Variants in SLC2A1 observed in about 807,000 individuals in gnomAD.
The protein encoded by SLC2A1 is solute carrier family 2, facilitated glucose transporter member 1.
In SLC2A1, 4 loss-of-function variants were observed where a neutral mutation model predicts 46.6. The ratio of observed to expected loss-of-function variants is 0.09; its 90% confidence interval spans 0.04 to 0.20. The LOEUF (loss-of-function observed/expected upper bound fraction) is 0.20, where lower values mean the gene tolerates loss of function less well. SLC2A1 is among the 10% of genes least tolerant of loss of function. The probability of loss-of-function intolerance (pLI) is 1.00; values close to 1 mark genes in which losing one functional copy is unlikely to be tolerated. For missense variants in SLC2A1, 352 were observed against 667.0 expected, an observed-to-expected ratio of 0.53 and a Z score of 5.20; for synonymous variants, 253 against 270.0, an observed-to-expected ratio of 0.94 and a Z score of 0.62.
intron 8 of SLC2A1, 113 bp downstream of exon 8, chr1:42,928,819 G>A: frequency 1.1e-6 from 1 of 903,754 alleles, no homozygotes; most frequent in Non-Finnish European, 1.8e-6. Flanking sequence ...CACAGCCAGG[G>A]AGAATGCAGC....
At position 42,943,423 on chromosome 1, in the gene SLC2A1, ACT is replaced by A. The variant is rs144759591; in HGVS notation, c.19-104_19-103del. 1,629 of 860,180 alleles carry A rather than the reference ACT, an allele frequency of 1.9e-3. 18 individuals carry two copies. In the African/African-American group the frequency reaches 0.024, roughly 13 times the overall value. 53.3% of individuals were successfully genotyped at this position (860,180 alleles called of 1,614,324 possible). A position where few individuals can be genotyped will look rare whatever the true frequency, so the allele number is the denominator to read the frequency against. On this transcript the variant is annotated intron_variant, in intron 1 of 9. Coordinates refer to ENST00000426263, the MANE Select transcript of SLC2A1 (RefSeq NM_006516.4). ...TTTCTGTGTTCAGATATCTTGCCTG[ACT>A]CTTGGCACCACACCAGTCTTTCTCC...
intron 2 of SLC2A1, among the ~76,000 whole-genome samples, chr1:42,939,292 A>G (rs1393987284): frequency 6.6e-6 from 1 of 152,262 alleles, no homozygotes; most frequent in Non-Finnish European, 1.5e-5. Context: ...TGGAAAAACT[A>G]CAGCCAGCCT....
intron 2 of SLC2A1, among the ~76,000 whole-genome samples, chr1:42,931,425 C>T (rs1159881408): frequency 6.6e-6 from 1 of 152,178 alleles, no homozygotes; most frequent in Non-Finnish European, 1.5e-5. Context: ...CGCCAACTCT[C>T]CCACTTCCCC....
chr1:42,954,933 C>T lies in SLC2A1; in HGVS notation c.18+3701G>A, dbSNP rs1454479060. Among the ~76,000 whole-genome samples, 3 of 152,198 alleles carry T rather than the reference C, an allele frequency of 2.0e-5. No individual in the cohort carries two copies. Among genetic ancestry groups the T allele is most frequent in the East Asian group, 1.9e-4 (1 of 5,198 alleles). On this transcript the variant is annotated intron_variant, in intron 1 of 9. Transcript: ENST00000426263. The surrounding 1 kb of genome is among the most constrained non-coding windows in gnomAD (Gnocchi z 4.2). The stretch of plus-strand genomic sequence containing the variant: ...AGCAAAGCAAAGAAGCCCAAAGCAG[C>T]GCAGGGCACTCACATGAGCTGACCC...
intron 1 of SLC2A1, chr1:42,951,963 T>A (rs1044845255): frequency 5.2e-5 from 21 of 405,014 alleles, no homozygotes; most frequent in African/African-American, 4.1e-4. Context: ...CTGGAATTCA[T>A]CCTTAGACGC....
intron 2 of SLC2A1, among the ~76,000 whole-genome samples, chr1:42,934,288 T>C (rs1019154073): frequency 6.6e-6 from 1 of 152,144 alleles, no homozygotes; most frequent in African/African-American, 2.4e-5. Context: ...CAGACCACTT[T>C]ATGGGGTGGA....
At position 42,929,426 on chromosome 1, in the gene SLC2A1, T is replaced by G. The variant is rs1219204662; in HGVS notation, c.868-112A>C. ...AGTAAAGAATGAAGGGGACAAATAC[T>G]CAGGCAGAAGGGACACTGCACTGCA... On this transcript the variant is annotated intron_variant, in intron 6 of 9. Coordinates refer to ENST00000426263, the MANE Select transcript of SLC2A1 (RefSeq NM_006516.4). This position sits in a 1 kb window ranked among gnomAD's most constrained non-coding sequence, Gnocchi z 6.0. 1.8e-6 allele frequency: 2 copies of G among 1,112,686 alleles called. No individual in the cohort carries two copies. Among genetic ancestry groups the G allele is most frequent in the Admixed American group, 2.0e-5 (1 of 50,992 alleles). 68.9% of individuals were successfully genotyped at this position (1,112,686 alleles called of 1,614,324 possible). A position where few individuals can be genotyped will look rare whatever the true frequency, so the allele number is the denominator to read the frequency against.
rs537789407 is a variant in SLC2A1 at position 42,941,438 on chromosome 1, T to C, written c.114+1788A>G. ...GCTTTACTGAATGCCAGGCTTTCTG[T>C]CTTCTGGGCATTTTGCTTTGAAGGC... On this transcript the variant is annotated intron_variant, in intron 2 of 9. Transcript: ENST00000426263. 2.6e-5 allele frequency among the ~76,000 whole-genome samples: 4 copies of C among 152,318 alleles called. No individual in the cohort carries two copies. The South Asian group carries it at 8.3e-4, about 32-fold the overall frequency.
In SLC2A1 at chr1:42,926,556, T is replaced by A; in HGVS notation, c.*485A>T. On this transcript the variant is annotated 3_prime_UTR_variant, in exon 10 of 10. Transcript: ENST00000426263. ...TCCTAATGGAGCCTGACCCCTAGAGTGGGGAGATCCAGGCCAGCAGAACGG... is the reference window on the plus strand; with the variant it reads ...TCCTAATGGAGCCTGACCCCTAGAGAGGGGAGATCCAGGCCAGCAGAACGG... 1 of 394,474 alleles carries A rather than the reference T, an allele frequency of 2.5e-6. No individual in the cohort carries two copies. The highest frequency in any genetic ancestry group is 4.7e-4 in the Middle Eastern group (1 of 2,144). The allele number at this position is 394,474 out of a possible 1,614,324, so 24.4% of individuals were successfully genotyped here.
chr1:42,948,147 G>A (rs769469532), intron 1 of SLC2A1, among the ~76,000 whole-genome samples: 2 of 151,952 alleles, frequency 1.3e-5, no homozygotes, highest in African/African-American at 2.4e-5. Flanking sequence ...GGGGTCTCAC[G>A]ACCCACAAGA....
At chr1:42,940,702 C>T (rs1028525278) in intron 2 of SLC2A1, among the ~76,000 whole-genome samples, 1 of 152,168 alleles carries the variant, frequency 6.6e-6, no homozygotes, top group African/African-American at 2.4e-5. Flanking sequence ...CCCACCTCAG[C>T]CTCCCAAAGT....
intron 2 of SLC2A1, among the ~76,000 whole-genome samples, chr1:42,932,314 AC>A (rs1043237684): frequency 1.4e-5 from 2 of 146,574 alleles, no homozygotes; most frequent in African/African-American, 5.0e-5. Context: ...GGCAGGCAGC[AC>A]CCGTTCTGCC....
intron 8 of SLC2A1, 35 bp downstream of exon 8, chr1:42,928,897 C>T (rs569007048): frequency 5.1e-6 from 8 of 1,580,740 alleles, no homozygotes; most frequent in Non-Finnish European, 7.0e-6. Context: ...GCAAACTCTC[C>T]CGCATCCCTC....
At chr1:42,952,404 C>T in intron 1 of SLC2A1, 1 of 480,768 alleles carries the variant, frequency 2.1e-6, no homozygotes, top group Non-Finnish European at 4.2e-6. Context: ...GAGGCTGATG[C>T]AGTCGATCAG....
intron 2 of SLC2A1, among the ~76,000 whole-genome samples, chr1:42,936,227 A>G (rs1643541214): frequency 6.6e-6 from 1 of 152,104 alleles, no homozygotes; most frequent in African/African-American, 2.4e-5. Context: ...ACGGGATGCT[A>G]TTGTGGGGAA....
chr1:42,926,607 G>T lies in SLC2A1; in HGVS notation c.*434C>A. ...GTGGCCATAGCCACCTCCTGGGATAGAAGCTTTGTAGTTCATAGTTCGATT... is the reference window on the plus strand; with the variant it reads ...GTGGCCATAGCCACCTCCTGGGATATAAGCTTTGTAGTTCATAGTTCGATT... On this transcript the variant is annotated 3_prime_UTR_variant, in exon 10 of 10. Transcript: ENST00000426263. 1.0e-6 allele frequency: 1 copy of T among 968,348 alleles called. No homozygotes were observed. The highest frequency in any genetic ancestry group is 1.4e-6 in the Non-Finnish European group (1 of 714,728). 60.0% of individuals were successfully genotyped at this position (968,348 alleles called of 1,614,324 possible).
At position 42,930,927 on chromosome 1, in the gene SLC2A1, T is replaced by A; in HGVS notation, c.276-61A>T. 6.2e-7 allele frequency: 1 copy of A among 1,605,378 alleles called. No homozygotes were observed. Among genetic ancestry groups the A allele is most frequent in the South Asian group, 1.1e-5 (1 of 90,904 alleles). On this transcript the variant is annotated intron_variant, in intron 3 of 9. Coordinates refer to ENST00000426263, the MANE Select transcript of SLC2A1 (RefSeq NM_006516.4). The surrounding 1 kb of genome is among the most constrained non-coding windows in gnomAD (Gnocchi z 6.2). The stretch of plus-strand genomic sequence containing the variant: ...ATTCCTTGGGCTCCGAGGGGCTGGG[T>A]CAGAGGTAATACCCTGGAACAGGCA...
intron 1 of SLC2A1, among the ~76,000 whole-genome samples, chr1:42,947,488 A>G (rs1242169250): frequency 6.7e-6 from 1 of 148,830 alleles, no homozygotes. Flanking sequence ...TTGGGAGGCC[A>G]AGGTGGGCGG....
chr1:42,932,261 A>G (rs1425889802), intron 2 of SLC2A1, among the ~76,000 whole-genome samples: 15 of 143,846 alleles, frequency 1.0e-4, no homozygotes. Flanking sequence ...AGCCCTGCCC[A>G]CCAGCCCTGC....
Sources: allele counts gnomAD v4.1 joint callset (sites outside exome capture counted in the v4.1 genomes callset), GRCh38; gene constraint gnomAD v4.1.1; non-coding constraint Gnocchi (gnomAD v3.1); transcripts MANE v1.5; gene names NCBI Gene and HGNC (gene_info 2026-07-23, HGNC 2026-07-21).